XIRP2: variants seen among roughly 807,000 people sequenced by gnomAD.
The protein encoded by XIRP2 is xin actin-binding repeat-containing protein 2.
In XIRP2, 236 loss-of-function variants were observed where a neutral mutation model predicts 277.0. The observed-to-expected ratio is 0.85, with a 90% CI of 0.77 to 0.95. The LOEUF is 0.95. Among genes scored for constraint, XIRP2 ranks in the 40% least tolerant of loss-of-function variants. XIRP2 has a pLI of 0.00. For missense variants in XIRP2, 4,640 were observed against 4,157.5 expected (o/e 1.12, Z -3.19); for synonymous variants, 1,490 against 1,416.5 (o/e 1.05, Z -1.17).
At chr2:167,087,298 G>A (rs988303824) in intron 2 of XIRP2, among the ~76,000 whole-genome samples, 6 of 152,148 alleles carry the variant, frequency 3.9e-5, no homozygotes, top group Non-Finnish European at 5.9e-5. Context: ...CAGTCTGCCC[G>A]TTCTCAGATC....
At chr2:167,238,488 G>C (rs1462179026) in intron 5 of XIRP2, among the ~76,000 whole-genome samples, 2 of 151,990 alleles carry the variant, frequency 1.3e-5, no homozygotes, top group Non-Finnish European at 2.9e-5. Context: ...CTCCTTGGTT[G>C]ATGAGATTTT....
chr2:166,933,469 A>C (rs1685407440), intron 2 of XIRP2, among the ~76,000 whole-genome samples: 1 of 152,026 alleles, frequency 6.6e-6, no homozygotes, highest in Non-Finnish European at 1.5e-5. Flanking sequence ...TCAATTTAAG[A>C]GGAATTTACA....
intron 3 of XIRP2, among the ~76,000 whole-genome samples, chr2:167,165,310 A>G (rs1022817985): frequency 6.6e-6 from 1 of 152,190 alleles, no homozygotes; most frequent in Non-Finnish European, 1.5e-5. Context: ...ATGAACATCT[A>G]TATGTAGGTA....
chr2:167,257,838 T>A lies in XIRP2; in HGVS notation c.*40-19T>A. ...TACAGTAAATACGAACTGCTAAGTG[T>A]TCTTTTTCTTTTTGGCAGTTTGGGA... On this transcript the variant is annotated intron_variant, in intron 10 of 10. Coordinates refer to ENST00000409195, the MANE Select transcript of XIRP2 (RefSeq NM_152381.6). The A allele has an allele frequency of 6.4e-7, 1 of 1,574,096 alleles. No individual in the cohort carries two copies. The highest frequency in any genetic ancestry group is 8.6e-7 in the Non-Finnish European group (1 of 1,164,356).
At chr2:167,228,315 T>C (rs1694664779) in intron 5 of XIRP2, among the ~76,000 whole-genome samples, 1 of 152,170 alleles carries the variant, frequency 6.6e-6, no homozygotes, top group Admixed American at 6.5e-5. Context: ...CATTTCACCT[T>C]CTTCCTGCAG....
chr2:167,018,423 T>C (rs952293677), intron 2 of XIRP2, among the ~76,000 whole-genome samples: 3 of 151,734 alleles, frequency 2.0e-5, no homozygotes, highest in South Asian at 4.1e-4. Flanking sequence ...GAAAAACAAA[T>C]GTAAAGAATA....
At chr2:166,997,802 G>A (rs1247048784) in intron 2 of XIRP2, among the ~76,000 whole-genome samples, 2 of 152,000 alleles carry the variant, frequency 1.3e-5, no homozygotes, top group African/African-American at 4.8e-5. Context: ...CTACTCGGGA[G>A]GCTGAAGCAG....
At chr2:166,963,814 A>G (rs935984339) in intron 2 of XIRP2, among the ~76,000 whole-genome samples, 4 of 151,810 alleles carry the variant, frequency 2.6e-5, no homozygotes, top group African/African-American at 9.7e-5. Context: ...AGAATTTGTT[A>G]TATTATTTTT....
chr2:167,039,764 A>G (rs1233186051), intron 2 of XIRP2, among the ~76,000 whole-genome samples: 1 of 152,220 alleles, frequency 6.6e-6, no homozygotes, highest in Non-Finnish European at 1.5e-5. Flanking sequence ...ATATATTGGA[A>G]TTTATAAGTT....
At chr2:167,184,467 C>A (rs1290464378) in intron 3 of XIRP2, 3 of 668,346 alleles carry the variant, frequency 4.5e-6, no homozygotes, top group African/African-American at 1.8e-5. Context: ...AATTTGAGAT[C>A]CCTCGCTTCT....
At chr2:166,996,926 G>C (rs1364049596) in intron 2 of XIRP2, among the ~76,000 whole-genome samples, 2 of 152,108 alleles carry the variant, frequency 1.3e-5, no homozygotes, top group African/African-American at 4.8e-5. Context: ...TTACTTAAAG[G>C]AAAGAATAAT....
At chr2:167,021,336 A>G (rs1234914598) in intron 2 of XIRP2, among the ~76,000 whole-genome samples, 2 of 152,128 alleles carry the variant, frequency 1.3e-5, no homozygotes, top group African/African-American at 4.8e-5. Context: ...ATAATTTGGC[A>G]GAAAAATTGT....
intron 2 of XIRP2, among the ~76,000 whole-genome samples, chr2:166,925,208 T>A (rs1685148802): frequency 6.6e-6 from 1 of 152,078 alleles, no homozygotes. Context: ...AGGTCTAATA[T>A]TAGTCATTTA....
chr2:166,945,833 G>A (rs557430083), intron 2 of XIRP2, among the ~76,000 whole-genome samples: 28 of 151,910 alleles, frequency 1.8e-4, no homozygotes, highest in South Asian at 8.3e-4. Context: ...CACCACACCC[G>A]GCTAATTTTG....
Position 167,135,941 on chromosome 2 carries a change from A to G in XIRP2, c.441A>G (p.Pro147=). 6.2e-7 allele frequency: 1 copy of G among 1,604,174 alleles called. No homozygotes were observed. Residue 147 remains proline (P), a synonymous_variant, in exon 3 of 11, where the codon CCA becomes CCG. Transcript: ENST00000409195. ...EVEIERSLCS[P]AFKSHPGSQL... is the part of the protein sequence containing the mutation. ...AAATTGAGCGAAGTTTGTGCTCGCC[A>G]GCTTTTAAGAGTCACCCTGGGAGCC...
At chr2:167,024,132 G>A (rs182107066) in intron 2 of XIRP2, among the ~76,000 whole-genome samples, 4,584 of 151,868 alleles carry the variant, frequency 0.03, 79 homozygotes, top group East Asian at 0.082. Context: ...ATTTCATTGA[G>A]CAGTGGTTTG....
At chr2:166,960,159 T>C (rs1000063555) in intron 2 of XIRP2, among the ~76,000 whole-genome samples, 23 of 151,754 alleles carry the variant, frequency 1.5e-4, no homozygotes, top group African/African-American at 5.6e-4. Flanking sequence ...AAACTGAGGT[T>C]GCTTTTTAAC....
intron 2 of XIRP2, among the ~76,000 whole-genome samples, chr2:167,135,597 C>G (rs1691521317): frequency 6.6e-6 from 1 of 152,062 alleles, no homozygotes; most frequent in African/African-American, 2.4e-5. Flanking sequence ...AAAGTTGCAT[C>G]CATTAACATA....
chr2:167,210,714 G>C (rs1253530800), intron 3 of XIRP2, 21 bp from the exon 4 acceptor site: 1 of 1,613,854 alleles, frequency 6.2e-7, no homozygotes, highest in East Asian at 2.2e-5. Context: ...ACATGTGTAA[G>C]CATGCTCTGT....
Sources: allele counts gnomAD v4.1 joint callset (sites outside exome capture counted in the v4.1 genomes callset), GRCh38; gene constraint gnomAD v4.1.1; transcripts MANE v1.5; gene names NCBI Gene and HGNC (gene_info 2026-07-23, HGNC 2026-07-21).